Variants in PAPOLG observed in about 807,000 individuals in gnomAD.
PAPOLG encodes PAP-gamma.
In PAPOLG, 40 loss-of-function variants were observed where a neutral mutation model predicts 99.0. The ratio of observed to expected loss-of-function variants is 0.40; its 90% confidence interval spans 0.31 to 0.53. The LOEUF is 0.53. Ranked by LOEUF, PAPOLG falls within the 20% of genes least tolerant of loss-of-function variation. PAPOLG has a pLI of 0.41. For missense variants in PAPOLG, 675 were observed against 884.1 expected (o/e 0.76, Z 3.00); for synonymous variants, 310 against 299.3 (o/e 1.04, Z -0.37).
At chr2:60,794,493 T>G (rs1671638480) in intron 19 of PAPOLG, 1 of 578,308 alleles carries the variant, frequency 1.7e-6, no homozygotes, top group Admixed American at 3.4e-5. Context: ...CTATATTTGT[T>G]AGAATCTGAA....
At position 60,789,691 on chromosome 2, in the gene PAPOLG, C is replaced by T. The variant is rs78685645; in HGVS notation, c.1397-2070C>T. Among the ~76,000 whole-genome samples, 564 of 152,278 alleles carry T rather than the reference C, an allele frequency of 3.7e-3. 12 individuals are homozygous for T. The East Asian group carries it at 0.057, about 15-fold the overall frequency. On this transcript the variant is annotated intron_variant, in intron 15 of 21. Transcript: ENST00000238714. ...CTGTTATAAATTTGGGGTTATTTAT[C>T]TTAAGAATCTGGAATAGTTATACAT...
chr2:60,795,603 T>TCC (rs1009922935), intron 21 of PAPOLG, among the ~76,000 whole-genome samples: 3 of 140,834 alleles, frequency 2.1e-5, no homozygotes, highest in African/African-American at 8.4e-5. Flanking sequence ...AGAAAAACCT[T>TCC]CTCTGAGAGT....
At chr2:60,786,822 G>A (rs928825896) in intron 13 of PAPOLG, 125 bp from the exon 14 acceptor site, 21 of 1,165,986 alleles carry the variant, frequency 1.8e-5, no homozygotes, top group Non-Finnish European at 2.5e-5. Context: ...GAGCCACCAT[G>A]CCCAGCCCGA....
chr2:60,782,130 G>A, intron 11 of PAPOLG, 125 bp downstream of exon 11: 2 of 1,043,638 alleles, frequency 1.9e-6, no homozygotes, highest in Middle Eastern at 4.3e-4. Flanking sequence ...ATTCTTTCAA[G>A]TATGGTTATT....
At chr2:60,768,628 A>G (rs1348647027) in intron 4 of PAPOLG, 77 bp downstream of exon 4, 5 of 1,387,436 alleles carry the variant, frequency 3.6e-6, no homozygotes, top group Non-Finnish European at 4.0e-6. Context: ...TAGGAGAACA[A>G]AGTTCCCACT....
chr2:60,758,801 C>G (rs779042611), intron 1 of PAPOLG, among the ~76,000 whole-genome samples: 1 of 152,044 alleles, frequency 6.6e-6, no homozygotes, highest in Non-Finnish European at 1.5e-5. Context: ...GTGTTTTGAC[C>G]AGTTAGAATC....
At chr2:60,778,523 T>C (rs1462114495) in intron 8 of PAPOLG, among the ~76,000 whole-genome samples, 2 of 152,058 alleles carry the variant, frequency 1.3e-5, no homozygotes, top group African/African-American at 4.8e-5. Context: ...GAAAACATTC[T>C]AGTATTGATC....
intron 13 of PAPOLG, among the ~76,000 whole-genome samples, chr2:60,784,690 AGGCCAAATTCAGTCTG>A (rs1268939551): frequency 6.6e-6 from 1 of 152,238 alleles, no homozygotes; most frequent in African/African-American, 2.4e-5. Context: ...AATAGGGTCT[AGGCCAAATTCAGTCTG>A]CCACCTATTT....
At chr2:60,779,815 C>T (rs368737466) in intron 9 of PAPOLG, 40 bp downstream of exon 9, 6 of 1,531,418 alleles carry the variant, frequency 3.9e-6, no homozygotes, top group Non-Finnish European at 5.4e-6. Context: ...TTACTAATCT[C>T]TACCTATGCG....
intron 2 of PAPOLG, among the ~76,000 whole-genome samples, 189 bp from the exon 3 acceptor site, chr2:60,761,552 C>T (rs1243307350): frequency 6.6e-6 from 1 of 152,136 alleles, no homozygotes; most frequent in Non-Finnish European, 1.5e-5. Context: ...TTTATCACCT[C>T]TTTGGCACTG....
At chr2:60,756,787 A>T in intron 1 of PAPOLG, among the ~76,000 whole-genome samples, 1 of 151,792 alleles carries the variant, frequency 6.6e-6, no homozygotes, top group East Asian at 1.9e-4. Context: ...GTAGGGAGAA[A>T]TTGTCGGTCA....
intron 11 of PAPOLG, 103 bp from the exon 12 acceptor site, chr2:60,782,583 T>C: frequency 2.2e-6 from 3 of 1,349,834 alleles, no homozygotes; most frequent in East Asian, 3.3e-5. Flanking sequence ...AAATTTCGTC[T>C]GGTGGAGTTT....
At chr2:60,770,390 T>C (rs969544186) in intron 5 of PAPOLG, 68 bp from the exon 6 acceptor site, 3 of 1,317,088 alleles carry the variant, frequency 2.3e-6, no homozygotes, top group South Asian at 1.6e-5. Context: ...ATATTCACAT[T>C]ATTGGTAGTT....
chr2:60,797,311 C>CAA lies in PAPOLG; in HGVS notation c.*153_*154dup. ...AACCTTGAAGTGGTTTTTGAACTGT[C>CAA]AAACTTTGACCTGTAGATGCTGTAG... On this transcript the variant is annotated 3_prime_UTR_variant, in exon 22 of 22. Coordinates refer to ENST00000238714, the MANE Select transcript of PAPOLG (RefSeq NM_022894.4). 1.1e-6 allele frequency: 1 copy of CAA among 907,780 alleles called. No individual in the cohort carries two copies. Among genetic ancestry groups the CAA allele is most frequent in the Non-Finnish European group, 1.7e-6 (1 of 599,392 alleles). The allele number at this position is 907,780 out of a possible 1,614,324, so 56.2% of individuals were successfully genotyped here.
Position 60,798,519 on chromosome 2 carries a change from C to T in PAPOLG, c.*1359C>T, listed in dbSNP as rs922170936. 5 of 152,610 alleles carry T rather than the reference C, an allele frequency of 3.3e-5. No homozygotes were observed. The highest frequency in any genetic ancestry group is 1.2e-4 in the African/African-American group (5 of 41,402). The allele number at this position is 152,610 out of a possible 1,614,324, so 9.5% of individuals were successfully genotyped here. ...TTAAATATGGATTATGCTTGAATTA[C>T]TATATTTAAAATGAAAATGTATAGA... is the stretch of plus-strand genomic sequence containing the variant. On this transcript the variant is annotated 3_prime_UTR_variant, in exon 22 of 22. Coordinates refer to ENST00000238714, the MANE Select transcript of PAPOLG (RefSeq NM_022894.4).
intron 11 of PAPOLG, 110 bp from the exon 12 acceptor site, chr2:60,782,575 AT>A (rs2103802642): frequency 5.3e-6 from 7 of 1,318,340 alleles, no homozygotes; most frequent in Middle Eastern, 6.0e-4. Flanking sequence ...AAAAAAAAAA[AT>A]TTCGTCTGGT....
At chr2:60,764,236 T>C (rs1373003909) in intron 3 of PAPOLG, among the ~76,000 whole-genome samples, 1 of 152,152 alleles carries the variant, frequency 6.6e-6, no homozygotes, top group Non-Finnish European at 1.5e-5. Context: ...CATACTGTTA[T>C]ATTTTAAGGT....
chr2:60,765,323 C>G (rs1212525370), intron 3 of PAPOLG, among the ~76,000 whole-genome samples: 1 of 149,682 alleles, frequency 6.7e-6, no homozygotes, highest in Non-Finnish European at 1.5e-5. Context: ...AGTGATCCTC[C>G]TGCTTTGGCT....
At chr2:60,761,397 A>G (rs941628470) in intron 2 of PAPOLG, among the ~76,000 whole-genome samples, 2 of 152,206 alleles carry the variant, frequency 1.3e-5, no homozygotes, top group South Asian at 2.1e-4. Flanking sequence ...CTATTACCAC[A>G]TTGTATTGAA....
Sources: allele counts gnomAD v4.1 joint callset (sites outside exome capture counted in the v4.1 genomes callset), GRCh38; gene constraint gnomAD v4.1.1; transcripts MANE v1.5; gene names NCBI Gene and HGNC (gene_info 2026-07-23, HGNC 2026-07-21).